VSTM4: variants seen among roughly 807,000 people sequenced by gnomAD.
VSTM4 encodes V-set and transmembrane domain containing 4, also known as V-set and transmembrane domain-containing protein 4.
A neutral mutation model predicts 36.4 loss-of-function variants in VSTM4; 20 were observed. The observed-to-expected ratio is 0.55, with a 90% CI of 0.39 to 0.80. The LOEUF is 0.80. Among genes scored for constraint, VSTM4 ranks in the 30% least tolerant of loss-of-function variants. VSTM4 has a pLI of 0.00. For synonymous variants in VSTM4, 182 were observed against 173.9 expected (o/e 1.05, Z -0.37); for missense variants, 392 against 404.5 (o/e 0.97, Z 0.26).
chr10:49,107,803 AC>A lies in VSTM4; in HGVS notation c.247del (p.Val83TrpfsTer33). Reference protein sequence around the residue: ...ALMVKMTKLRVVQYYGNFSRS... With the variant: ...ALMVKMTKLRXVQYYGNFSRS... ...GCTGAAATTCCCATAGTACTGCACC[AC>A]CCGGAGCTTGGTCATCTTCACCATC... On this transcript the variant is annotated frameshift_variant, in exon 2 of 8. Coordinates refer to ENST00000332853, the MANE Select transcript of VSTM4 (RefSeq NM_001031746.5). LOFTEE classifies it high-confidence loss of function. The A allele has an allele frequency of 6.2e-7, 1 of 1,614,182 alleles. No individual in the cohort carries two copies. The highest frequency in any genetic ancestry group is 1.1e-5 in the South Asian group (1 of 91,084).
At position 49,040,006 on chromosome 10, in the gene VSTM4, G is replaced by A. The variant is rs534984336; in HGVS notation, c.837+6977C>T. On this transcript the variant is annotated intron_variant, in intron 7 of 7. Transcript: ENST00000332853. ...CCAAGGCTTCCGAAGCTTTGCTGCA[G>A]GGCATTTAGCTCCTACGGCCCCAGG... Among the ~76,000 whole-genome samples, 4 of 152,294 alleles carry A rather than the reference G, an allele frequency of 2.6e-5. No individual in the cohort carries two copies. The East Asian group carries it at 7.7e-4, about 29-fold the overall frequency.
chr10:49,083,834 A>G (rs1844323018), intron 3 of VSTM4, among the ~76,000 whole-genome samples: 1 of 152,368 alleles, frequency 6.6e-6, no homozygotes, highest in South Asian at 2.1e-4. Context: ...GGCATTTTCA[A>G]AGTATGGTCC....
intron 4 of VSTM4, among the ~76,000 whole-genome samples, chr10:49,069,558 A>G (rs1431898941): frequency 6.6e-6 from 1 of 152,012 alleles, no homozygotes; most frequent in Non-Finnish European, 1.5e-5. Flanking sequence ...GCCTGCATTT[A>G]CCCAGTGGGA....
At chr10:49,039,204 G>A (rs1843480455) in intron 7 of VSTM4, among the ~76,000 whole-genome samples, 1 of 152,140 alleles carries the variant, frequency 6.6e-6, no homozygotes, top group Admixed American at 6.5e-5. Flanking sequence ...CAGCAGCTCT[G>A]CGGGAGGATG....
chr10:49,070,546 T>C (rs1844059163), intron 4 of VSTM4, among the ~76,000 whole-genome samples: 1 of 152,164 alleles, frequency 6.6e-6, no homozygotes, highest in Non-Finnish European at 1.5e-5. Context: ...GCCCTGCACA[T>C]GAGAAGGTGC....
intron 2 of VSTM4, among the ~76,000 whole-genome samples, chr10:49,088,693 C>T (rs1330612440): frequency 2.6e-5 from 4 of 152,250 alleles, no homozygotes; most frequent in Non-Finnish European, 5.9e-5. Context: ...TCTTTGCATT[C>T]CAAGAGCTTT....
At chr10:49,044,932 G>A (rs183334898) in intron 7 of VSTM4, among the ~76,000 whole-genome samples, 38 of 152,178 alleles carry the variant, frequency 2.5e-4, no homozygotes, top group Admixed American at 9.2e-4. Context: ...CAAAAAACCC[G>A]TCACCAAACA....
chr10:49,096,121 A>T (rs939931696), intron 2 of VSTM4, among the ~76,000 whole-genome samples: 9 of 152,190 alleles, frequency 5.9e-5, no homozygotes, highest in African/African-American at 1.9e-4. Context: ...AGAAGCCCTA[A>T]ATGTTTAGTA....
chr10:49,026,306 A>G (rs1382976286), intron 7 of VSTM4, among the ~76,000 whole-genome samples: 3 of 152,110 alleles, frequency 2.0e-5, no homozygotes, highest in Non-Finnish European at 4.4e-5. Context: ...AATTCACCCC[A>G]TGCTCAGCTC....
At chr10:49,089,338 C>T (rs1271219080) in intron 2 of VSTM4, among the ~76,000 whole-genome samples, 4 of 152,106 alleles carry the variant, frequency 2.6e-5, no homozygotes, top group Non-Finnish European at 5.9e-5. Context: ...TCAGAATGGC[C>T]CTTTGTTGTC....
At chr10:49,028,655 G>A (rs1248081854) in intron 7 of VSTM4, among the ~76,000 whole-genome samples, 2 of 152,182 alleles carry the variant, frequency 1.3e-5, no homozygotes, top group African/African-American at 4.8e-5. Flanking sequence ...CTTACTAAGA[G>A]AGGTTTAGCA....
chr10:49,026,291 G>A (rs955804371), intron 7 of VSTM4, among the ~76,000 whole-genome samples: 1 of 152,190 alleles, frequency 6.6e-6, no homozygotes. Context: ...GTGACTGAGA[G>A]TTGAAATTCA....
At chr10:49,097,391 GCACAATGGA>G (rs1453677846) in intron 2 of VSTM4, among the ~76,000 whole-genome samples, 1 of 152,194 alleles carries the variant, frequency 6.6e-6, no homozygotes, top group Non-Finnish European at 1.5e-5. Context: ...GGGATGTCAA[GCACAATGGA>G]GGAGGCACAA....
rs1454104942 is a variant in VSTM4, at chr10:49,015,198, TGCAA to T, written c.*4448_*4451del. 3.3e-5 allele frequency: 5 copies of T among 149,614 alleles called. No individual in the cohort carries two copies. The highest frequency in any genetic ancestry group is 1.2e-4 in the African/African-American group (5 of 40,394). 9.3% of individuals were successfully genotyped at this position (149,614 alleles called of 1,614,324 possible). A position where few individuals can be genotyped will look rare whatever the true frequency, so the allele number is the denominator to read the frequency against. The stretch of plus-strand genomic sequence containing the variant: ...GTGCAGCAGCACGATCTCGGCTCAC[TGCAA>T]GCTCCGCCTCCCGGGTTCATGCCAT... On this transcript the variant is annotated 3_prime_UTR_variant, in exon 8 of 8. Coordinates refer to ENST00000332853, the MANE Select transcript of VSTM4 (RefSeq NM_001031746.5).
intron 3 of VSTM4, among the ~76,000 whole-genome samples, chr10:49,081,669 C>A (rs78375692): frequency 6.6e-6 from 1 of 152,210 alleles, no homozygotes; most frequent in Non-Finnish European, 1.5e-5. Context: ...GCAGCCAGGG[C>A]TACAGAATCA....
chr10:49,027,759 T>A (rs1843285757), intron 7 of VSTM4, among the ~76,000 whole-genome samples: 1 of 152,258 alleles, frequency 6.6e-6, no homozygotes, highest in Admixed American at 6.5e-5. Context: ...TTATCCCAGT[T>A]GTTGCAAGCA....
intron 3 of VSTM4, among the ~76,000 whole-genome samples, chr10:49,079,819 C>T (rs1218209654): frequency 6.6e-6 from 1 of 150,840 alleles, no homozygotes; most frequent in Non-Finnish European, 1.5e-5. Flanking sequence ...AAAAAAAAGC[C>T]ATCGGCCATC....
chr10:49,047,073 G>T (rs200567726), intron 6 of VSTM4, 29 bp from the exon 7 acceptor site: 99 of 1,609,684 alleles, frequency 6.2e-5, no homozygotes, highest in Non-Finnish European at 8.1e-5. Context: ...GGTTTAGCTT[G>T]CAGTTCCTCC....
intron 7 of VSTM4, among the ~76,000 whole-genome samples, chr10:49,029,692 G>A (rs569428743): frequency 1.8e-4 from 28 of 152,352 alleles, no homozygotes; most frequent in African/African-American, 6.7e-4. Context: ...AGGGAAAATA[G>A]TGAAAAGCCC....
Sources: gnomAD v4.1 joint callset for allele counts (sites outside exome capture counted in the v4.1 genomes callset) on GRCh38, gnomAD v4.1.1 for gene constraint, MANE v1.5 for transcripts, NCBI Gene and HGNC (gene_info 2026-07-23, HGNC 2026-07-21) for gene names.